TACR1: variants seen among roughly 807,000 people sequenced by gnomAD.
TACR1 encodes substance-P receptor.
TACR1 carries 25 observed loss-of-function variants against 35.8 expected under a neutral mutation model. The ratio of observed to expected loss-of-function variants is 0.70; its 90% CI spans 0.51 to 0.98. The LOEUF (loss-of-function observed/expected upper bound fraction) is 0.98. Among genes scored for constraint, TACR1 ranks in the 50% least tolerant of loss-of-function variants. The pLI, the probability that TACR1 is intolerant of heterozygous loss-of-function variation, is 0.00. For synonymous variants in TACR1, 195 were observed against 206.7 expected, an observed-to-expected ratio of 0.94 and a Z score of 0.48; for missense variants, 478 against 522.9, an observed-to-expected ratio of 0.91 and a Z score of 0.84.
chr2:75,080,371 A>T (rs1298596399), intron 2 of TACR1, among the ~76,000 whole-genome samples: 1 of 152,090 alleles, frequency 6.6e-6, no homozygotes, highest in Non-Finnish European at 1.5e-5. Context: ...CACAACCATC[A>T]TCTCTTCACT....
chr2:75,143,091 GGAGGAAGGCCTCACCT>G lies in TACR1; in HGVS notation c.390-22339_390-22324del, dbSNP rs532451827. 1.9e-3 allele frequency among the ~76,000 whole-genome samples: 296 copies of G among 152,228 alleles called. 2 individuals are homozygous for G. The highest frequency in any genetic ancestry group is 7.0e-3 in the African/African-American group (290 of 41,534). Reference sequence around the variant, plus strand: ...GGTGCATGGGGTGCTAACAAGGGAGGGAGGAAGGCCTCACCTGAGCAGAGGCCCTGTGGTGTGAGCT... The same window carrying G: ...GGTGCATGGGGTGCTAACAAGGGAGGGAGCAGAGGCCCTGTGGTGTGAGCT... On this transcript the variant is annotated intron_variant, in intron 1 of 4. Coordinates refer to ENST00000305249, the MANE Select transcript of TACR1 (RefSeq NM_001058.4).
intron 1 of TACR1, among the ~76,000 whole-genome samples, chr2:75,130,520 C>T (rs940657990): frequency 1.3e-5 from 2 of 152,176 alleles, no homozygotes; most frequent in Non-Finnish European, 2.9e-5. Flanking sequence ...AGTGTAAATC[C>T]ACAACTGTTT....
chr2:75,084,548 G>T (rs981653309), intron 2 of TACR1, among the ~76,000 whole-genome samples: 2 of 152,152 alleles, frequency 1.3e-5, no homozygotes, highest in African/African-American at 4.8e-5. Context: ...CTGTGAGTCC[G>T]TCTGGTCCTG....
In TACR1 at chr2:75,120,780, A is replaced by G; in HGVS notation, c.390-12T>C. 6.3e-7 allele frequency: 1 copy of G among 1,587,712 alleles called. No homozygotes were observed. The highest frequency in any genetic ancestry group is 8.6e-7 in the Non-Finnish European group (1 of 1,166,612). On this transcript the variant is annotated splice_polypyrimidine_tract_variant and intron_variant, in intron 1 of 4. Coordinates refer to ENST00000305249, the MANE Select transcript of TACR1 (RefSeq NM_001058.4). ...TGATGGCCATGTACCTGGAACAGAG[A>G]AGAAAGAACAAAGTTCTGATCTGGT...
At chr2:75,181,317 A>G (rs927629107) in intron 1 of TACR1, among the ~76,000 whole-genome samples, 3 of 152,182 alleles carry the variant, frequency 2.0e-5, no homozygotes, top group East Asian at 1.9e-4. Context: ...AATTTCCTTT[A>G]AAAACATCTA....
At chr2:75,142,483 G>C (rs915229128) in intron 1 of TACR1, among the ~76,000 whole-genome samples, 1 of 152,188 alleles carries the variant, frequency 6.6e-6, no homozygotes, top group Non-Finnish European at 1.5e-5. Flanking sequence ...AATGTGGTGG[G>C]TAAAAGCAAT....
At chr2:75,113,506 T>C (rs562497704) in intron 2 of TACR1, among the ~76,000 whole-genome samples, 1 of 151,674 alleles carries the variant, frequency 6.6e-6, no homozygotes, top group South Asian at 2.1e-4. Flanking sequence ...TGCAGTAACG[T>C]TGGCTTTCCT....
intron 1 of TACR1, among the ~76,000 whole-genome samples, chr2:75,124,539 C>T (rs1674036688): frequency 6.6e-6 from 1 of 152,132 alleles, no homozygotes; most frequent in African/African-American, 2.4e-5. Context: ...GTGGTAATAG[C>T]TGAGAGTGTG....
chr2:75,081,459 G>A (rs1432636967), intron 2 of TACR1, among the ~76,000 whole-genome samples: 3 of 152,200 alleles, frequency 2.0e-5, no homozygotes, highest in Admixed American at 6.5e-5. Flanking sequence ...GCCTGTGTGA[G>A]CCTCTTCCAT....
At chr2:75,139,297 G>C (rs1373829874) in intron 1 of TACR1, among the ~76,000 whole-genome samples, 2 of 152,202 alleles carry the variant, frequency 1.3e-5, no homozygotes, top group Non-Finnish European at 2.9e-5. Flanking sequence ...TCAGTCATTT[G>C]CCTCAGGTCA....
chr2:75,066,704 A>G (rs1379561986), intron 2 of TACR1, among the ~76,000 whole-genome samples: 1 of 152,264 alleles, frequency 6.6e-6, no homozygotes, highest in East Asian at 1.9e-4. Context: ...TTTCTTAGCC[A>G]AAAGTTTCCC....
intron 2 of TACR1, among the ~76,000 whole-genome samples, chr2:75,065,869 T>A (rs961719740): frequency 2.0e-5 from 3 of 152,132 alleles, no homozygotes; most frequent in Non-Finnish European, 2.9e-5. Context: ...CTTAAAATAA[T>A]CAAAACAGTT....
intron 1 of TACR1, among the ~76,000 whole-genome samples, chr2:75,150,729 G>C (rs565171741): frequency 6.6e-6 from 1 of 152,206 alleles, no homozygotes; most frequent in African/African-American, 2.4e-5. Flanking sequence ...ATGTGGAAGC[G>C]ACTTTGGAAC....
intron 1 of TACR1, among the ~76,000 whole-genome samples, chr2:75,168,958 A>G (rs1041698028): frequency 2.0e-5 from 3 of 152,236 alleles, no homozygotes; most frequent in Non-Finnish European, 4.4e-5. Context: ...TCAGAAAAAA[A>G]TACAAAGAAA....
intron 2 of TACR1, among the ~76,000 whole-genome samples, chr2:75,111,183 C>G (rs752913606): frequency 3.3e-5 from 5 of 151,926 alleles, no homozygotes; most frequent in Non-Finnish European, 5.9e-5. Context: ...TTAACAAACT[C>G]ATCTATAACT....
intron 1 of TACR1, among the ~76,000 whole-genome samples, chr2:75,192,214 G>C (rs774381712): frequency 9.2e-5 from 14 of 152,224 alleles, no homozygotes; most frequent in Non-Finnish European, 1.5e-4. Context: ...ATAACCAGTA[G>C]AGACTAATGA....
intron 1 of TACR1, among the ~76,000 whole-genome samples, chr2:75,158,326 G>A (rs1244086967): frequency 1.3e-5 from 2 of 152,142 alleles, no homozygotes; most frequent in Non-Finnish European, 2.9e-5. Context: ...ACTTTCCCTT[G>A]CTCTCTGCCT....
chr2:75,105,877 A>G (rs527359274), intron 2 of TACR1, among the ~76,000 whole-genome samples: 65 of 152,150 alleles, frequency 4.3e-4, no homozygotes, highest in Non-Finnish European at 6.6e-4. Context: ...AAGACATCAC[A>G]AACAAGGGAA....
intron 2 of TACR1, among the ~76,000 whole-genome samples, chr2:75,096,181 T>A (rs905679599): frequency 6.6e-6 from 1 of 152,182 alleles, no homozygotes; most frequent in Admixed American, 6.5e-5. Context: ...ACTCATGAAA[T>A]CCCTCTCCTT....
Sources: allele counts gnomAD v4.1 joint callset (sites outside exome capture counted in the v4.1 genomes callset), GRCh38; gene constraint gnomAD v4.1.1; transcripts MANE v1.5; gene names NCBI Gene and HGNC (gene_info 2026-07-23, HGNC 2026-07-21).